The following FCGR2A variants were observed in gnomAD, a reference collection of about 807,000 sequenced individuals.
The protein encoded by FCGR2A is Fc gamma receptor IIa, also known as low affinity immunoglobulin gamma Fc region receptor II-a.
FCGR2A carries 18 observed loss-of-function variants against 29.3 expected under a neutral mutation model. The ratio of observed to expected loss-of-function variants is 0.62; its 90% CI spans 0.43 to 0.91. The LOEUF is 0.91. FCGR2A is among the 40% of genes least tolerant of loss of function. FCGR2A has a pLI of 0.00. For missense variants in FCGR2A, 287 were observed against 393.0 expected (o/e 0.73, Z 2.28); for synonymous variants, 126 against 144.8 (o/e 0.87, Z 0.93).
chr1:161,518,459 C>T lies in FCGR2A; in HGVS notation c.*311C>T, dbSNP rs1676276203. ...ATATAATTAGGTGACTAGGGACTTT[C>T]TAAGAAGATACCTACCCCCAAAAAA... On this transcript the variant is annotated 3_prime_UTR_variant, in exon 7 of 7. Coordinates refer to ENST00000271450, the MANE Select transcript of FCGR2A (RefSeq NM_001136219.3). 5.1e-6 allele frequency: 2 copies of T among 394,996 alleles called. No individual in the cohort carries two copies. Among genetic ancestry groups the T allele is most frequent in the Non-Finnish European group, 9.0e-6 (2 of 222,952 alleles). The allele number at this position is 394,996 out of a possible 1,614,324, so 24.5% of individuals were successfully genotyped here. A position where few individuals can be genotyped will look rare whatever the true frequency, so the allele number is the denominator to read the frequency against.
Position 161,518,072 on chromosome 1 carries a change from C to A in FCGR2A, c.878C>A (p.Pro293His), listed in dbSNP as rs1426958515. The change falls in exon 7 of 7, where the codon CCC becomes CAC. Residue 293 changes from proline to histidine, a missense_variant. Physicochemically the swap from Pro to His is moderately conservative, Grantham distance 77. Around this residue, in one of 3 missense-constraint regions of FCGR2A, gnomAD observed 34 missense variants for 73.5 expected, o/e 0.46. Transcript: ENST00000271450. ...TADGGYMTLN[P>H]RAPTDDDKNI... ...GACGGCGGCTACATGACTCTGAACCCCAGGGCACCTACTGACGATGATAAA... is the reference window on the plus strand; with the variant it reads ...GACGGCGGCTACATGACTCTGAACCACAGGGCACCTACTGACGATGATAAA... 2 of 1,613,748 alleles carry A rather than the reference C, an allele frequency of 1.2e-6. No homozygotes were observed. Among genetic ancestry groups the A allele is most frequent in the Non-Finnish European group, 1.7e-6 (2 of 1,179,786 alleles).
chr1:161,512,954 T>G (rs951066148), intron 5 of FCGR2A, among the ~76,000 whole-genome samples: 3 of 152,216 alleles, frequency 2.0e-5, no homozygotes, highest in Non-Finnish European at 4.4e-5. Context: ...GAGGCACTTT[T>G]GCAGCCAGGC....
At chr1:161,519,879 C>A (rs532473311), downstream of FCGR2A, 14 of 152,234 alleles carry the variant, frequency 9.2e-5, 1 homozygote, top group South Asian at 2.9e-3. Context: ...GTGGAGACTG[C>A]TGACTTCCTG....
At chr1:161,513,752 T>C (rs1675965069) in intron 5 of FCGR2A, 143 bp from the exon 6 acceptor site, 2 of 1,199,090 alleles carry the variant, frequency 1.7e-6, no homozygotes, top group Non-Finnish European at 2.4e-6. Context: ...CATATTTACT[T>C]AGCCCTTGGC....
In FCGR2A at chr1:161,505,563, G is replaced by A. The variant is rs559534771; in HGVS notation, c.85+11G>A. On this transcript the variant is annotated intron_variant, in intron 1 of 6. Coordinates refer to ENST00000271450, the MANE Select transcript of FCGR2A (RefSeq NM_001136219.3). ...TTTTGCTGCTGCTGGGTGAGTGAGG[G>A]TCATTCTGAAATGGGGCAATTTCAG... The A allele has an allele frequency of 5.6e-6, 9 of 1,611,488 alleles. No homozygotes were observed. In the South Asian group the frequency reaches 8.8e-5, roughly 16 times the overall value.
chr1:161,510,348 C>T, intron 4 of FCGR2A: 3 of 669,672 alleles, frequency 4.5e-6, no homozygotes, highest in Admixed American at 2.4e-5. Context: ...AGAGCTCCCT[C>T]ATTGATGCAG....
downstream of FCGR2A, among the ~76,000 whole-genome samples, chr1:161,520,468 A>T (rs1676409120): frequency 6.6e-6 from 1 of 151,832 alleles, no homozygotes; most frequent in Non-Finnish European, 1.5e-5. Context: ...CCCACTTTTG[A>T]CAGATGGGGA....
At chr1:161,522,573 C>T (rs559313945), downstream of FCGR2A, among the ~76,000 whole-genome samples, 23 of 152,170 alleles carry the variant, frequency 1.5e-4, no homozygotes, top group South Asian at 2.1e-4. Flanking sequence ...GGTGAAGACC[C>T]GTCTCTTGCA....
chr1:161,517,283 A>T (rs1676201242), intron 6 of FCGR2A, among the ~76,000 whole-genome samples: 1 of 152,072 alleles, frequency 6.6e-6, no homozygotes, highest in African/African-American at 2.4e-5. Flanking sequence ...TTGTGTTCCT[A>T]CTGATGTCAA....
At position 161,505,475 on chromosome 1, in the gene FCGR2A, T is replaced by C; in HGVS notation, c.8T>C (p.Met3Thr). Residue 3 changes from methionine (M) to threonine (T), a missense_variant, in exon 1 of 7, where the codon ATG (methionine) becomes ACG (threonine). Around this residue, in one of 3 missense-constraint regions of FCGR2A, gnomAD observed 181 missense variants for 250.9 expected, o/e 0.72. Transcript: ENST00000271450. ...CGTTGGCACAGTGCTGGGATGACTATGGAGACCCAAATGTCTCAGAATGTA... is the reference window on the plus strand; with the variant it reads ...CGTTGGCACAGTGCTGGGATGACTACGGAGACCCAAATGTCTCAGAATGTA... MT[M>T]ETQMSQNVCP... The C allele has an allele frequency of 6.2e-7, 1 of 1,613,134 alleles. No homozygotes were observed. Among genetic ancestry groups the C allele is most frequent in the Non-Finnish European group, 8.5e-7 (1 of 1,179,032 alleles).
chr1:161,520,213 T>C (rs540147053), downstream of FCGR2A, among the ~76,000 whole-genome samples: 1 of 152,182 alleles, frequency 6.6e-6, no homozygotes, highest in East Asian at 1.9e-4. Flanking sequence ...ACTGGGTTAT[T>C]TATGAAGAAA....
intron 3 of FCGR2A, among the ~76,000 whole-genome samples, chr1:161,506,924 C>A (rs1346207074): frequency 2.0e-5 from 3 of 152,084 alleles, no homozygotes; most frequent in Non-Finnish European, 4.4e-5. Context: ...TGTGGCAATG[C>A]GGTAAAGCAG....
downstream of FCGR2A, chr1:161,523,840 A>AC (rs1553198368): frequency 6.6e-6 from 1 of 151,950 alleles, no homozygotes; most frequent in Non-Finnish European, 1.5e-5. Flanking sequence ...TCGGAAAAAA[A>AC]TGAAAGTGCA....
downstream of FCGR2A, chr1:161,520,068 C>G (rs911063905): frequency 1.3e-5 from 2 of 151,942 alleles, no homozygotes; most frequent in Non-Finnish European, 2.9e-5. Context: ...TGAAAAGTAG[C>G]AGCTTTCTCT....
chr1:161,522,263 AAAAC>A (rs1027129669), downstream of FCGR2A, among the ~76,000 whole-genome samples: 13 of 152,252 alleles, frequency 8.5e-5, no homozygotes, highest in East Asian at 1.9e-4. Context: ...TCTTTTAGAA[AAAAC>A]AAACAAACAA....
rs185986434 is a variant in FCGR2A, at chr1:161,519,204, C to G, written c.*1056C>G. 314 of 153,250 alleles carry G rather than the reference C, an allele frequency of 2.0e-3. 1 individual carries two copies. The highest frequency in any genetic ancestry group is 3.8e-3 in the Non-Finnish European group (263 of 68,642). 9.5% of individuals were successfully genotyped at this position (153,250 alleles called of 1,614,324 possible). A position where few individuals can be genotyped will look rare whatever the true frequency, so the allele number is the denominator to read the frequency against. Reference sequence around the variant, plus strand: ...CAAAAGAGAAGGACTCTTCCAGAGTCATCTACCTGAGTCCCAAAGCTCCCT... The same window carrying G: ...CAAAAGAGAAGGACTCTTCCAGAGTGATCTACCTGAGTCCCAAAGCTCCCT... On this transcript the variant is annotated 3_prime_UTR_variant, in exon 7 of 7. Coordinates refer to ENST00000271450, the MANE Select transcript of FCGR2A (RefSeq NM_001136219.3).
intron 5 of FCGR2A, among the ~76,000 whole-genome samples, chr1:161,512,442 C>T (rs902632576): frequency 1.3e-5 from 2 of 148,366 alleles, no homozygotes; most frequent in African/African-American, 4.9e-5. Flanking sequence ...CCTGGTTCTG[C>T]CCCCATCACA....
chr1:161,512,705 C>T (rs1454451991), intron 5 of FCGR2A, among the ~76,000 whole-genome samples: 1 of 152,092 alleles, frequency 6.6e-6, no homozygotes, highest in Non-Finnish European at 1.5e-5. Flanking sequence ...TCAAAGACCG[C>T]ACCTCAGATG....
At chr1:161,521,926 G>T (rs1019689654), downstream of FCGR2A, among the ~76,000 whole-genome samples, 1 of 152,010 alleles carries the variant, frequency 6.6e-6, no homozygotes, top group African/African-American at 2.4e-5. Context: ...ATATTGAGTC[G>T]TGAGCTTTGC....
Sources: gnomAD v4.1 joint callset for allele counts (sites outside exome capture counted in the v4.1 genomes callset) on GRCh38, gnomAD v4.1.1 for gene constraint, gnomAD v4.1.1 regional missense constraint, MANE v1.5 for transcripts, NCBI Gene and HGNC (gene_info 2026-07-23, HGNC 2026-07-21) for gene names.